Variants in ASCC3 observed in about 807,000 individuals in gnomAD.
ASCC3 encodes the protein activating signal cointegrator 1 complex subunit 3, also known as ASC-1 complex subunit P200.
A neutral mutation model predicts 256.3 loss-of-function variants in ASCC3; 158 were observed. The ratio of observed to expected loss-of-function variants is 0.62; its 90% CI spans 0.54 to 0.70. ASCC3 has a LOEUF of 0.70. Ranked by LOEUF, ASCC3 falls within the 30% of genes least tolerant of loss-of-function variation. ASCC3 has a pLI of 0.00. For synonymous variants in ASCC3, 948 were observed against 883.4 expected (o/e 1.07, Z -1.30); for missense variants, 2,259 against 2,626.0 (o/e 0.86, Z 3.05).
chr6:100,795,029 GGAGCTGATAAT>G (rs533446742), intron 8 of ASCC3, among the ~76,000 whole-genome samples: 253 of 152,170 alleles, frequency 1.7e-3, no homozygotes, highest in African/African-American at 5.6e-3. Context: ...TGGCTCATGG[GGAGCTGATAAT>G]GAGGATATAC....
intron 3 of ASCC3, among the ~76,000 whole-genome samples, chr6:100,861,397 TA>T (rs1451310254): frequency 2.6e-5 from 4 of 152,272 alleles, no homozygotes; most frequent in Non-Finnish European, 5.9e-5. Context: ...TCAAGTGAAA[TA>T]TTTTTTTCTT....
At chr6:100,646,833 T>C in intron 21 of ASCC3, 64 bp from the exon 22 acceptor site, 1 of 1,501,540 alleles carries the variant, frequency 6.7e-7, no homozygotes, top group Non-Finnish European at 9.2e-7. Flanking sequence ...TAATCTGACT[T>C]GTAAATGGGA....
At chr6:100,564,322 C>A (rs189722002) in intron 36 of ASCC3, among the ~76,000 whole-genome samples, 1 of 151,944 alleles carries the variant, frequency 6.6e-6, no homozygotes, top group East Asian at 1.9e-4. Flanking sequence ...TTCTATCTAA[C>A]TGTGTTTGTA....
At position 100,575,903 on chromosome 6, in the gene ASCC3, T is replaced by C. The variant is rs540917429; in HGVS notation, c.5550+13731A>G. ...ACCTTCTAAAAGTCCACTGAACATA[T>C]CAGATCATGATCCTGGTTTGCCACG... On this transcript the variant is annotated intron_variant, in intron 36 of 41. Transcript: ENST00000369162. Among the ~76,000 whole-genome samples the C allele has an allele frequency of 2.1e-4, 32 of 152,150 alleles. 1 individual carries two copies. In the South Asian group the frequency reaches 6.4e-3, roughly 31 times the overall value.
intron 14 of ASCC3, among the ~76,000 whole-genome samples, chr6:100,678,756 A>G (rs765901560): frequency 1.7e-4 from 26 of 152,134 alleles, no homozygotes; most frequent in Non-Finnish European, 3.2e-4. Context: ...TTTTCTGCAA[A>G]GAAACAGAAA....
chr6:100,607,465 A>T (rs555051395), intron 30 of ASCC3, among the ~76,000 whole-genome samples: 2 of 152,010 alleles, frequency 1.3e-5, no homozygotes, highest in Non-Finnish European at 2.9e-5. Context: ...TTTTAAAAAT[A>T]CAGACCAAAA....
chr6:100,748,203 C>T (rs1303932198), intron 10 of ASCC3, among the ~76,000 whole-genome samples: 4 of 151,822 alleles, frequency 2.6e-5, no homozygotes, highest in Non-Finnish European at 5.9e-5. Flanking sequence ...AAATAATCTA[C>T]TTTTTCTTTT....
At chr6:100,762,470 T>C (rs1259580383) in intron 10 of ASCC3, among the ~76,000 whole-genome samples, 1 of 152,192 alleles carries the variant, frequency 6.6e-6, no homozygotes, top group Non-Finnish European at 1.5e-5. Flanking sequence ...TTGAAACCAA[T>C]GGTAGATATA....
intron 13 of ASCC3, among the ~76,000 whole-genome samples, chr6:100,696,678 A>C (rs1352506297): frequency 1.3e-5 from 2 of 152,078 alleles, no homozygotes; most frequent in African/African-American, 4.8e-5. Context: ...AAATGACTGC[A>C]AGCAAACATT....
chr6:100,725,746 T>C (rs1404969188), intron 10 of ASCC3, 43 bp from the exon 11 acceptor site: 3 of 1,597,490 alleles, frequency 1.9e-6, no homozygotes, highest in Non-Finnish European at 2.6e-6. Context: ...GTTACATAGG[T>C]TATTTAACAT....
chr6:100,557,034 T>A lies in ASCC3; in HGVS notation c.5551-16647A>T, dbSNP rs77663267. Among the ~76,000 whole-genome samples the A allele has an allele frequency of 8.5e-5, 13 of 152,240 alleles. No homozygotes were observed. In the East Asian group the frequency reaches 2.5e-3, roughly 29 times the overall value. On this transcript the variant is annotated intron_variant, in intron 36 of 41. Transcript: ENST00000369162. ...GGACTCCTCAGTCTTCTGGGCATGA[T>A]GAACACAAGATTTTAGACATGTTGA...
chr6:100,528,270 T>A (rs1562095398), intron 37 of ASCC3, among the ~76,000 whole-genome samples: 3 of 152,194 alleles, frequency 2.0e-5, no homozygotes, highest in Admixed American at 1.3e-4. Context: ...TTTTAGTTTA[T>A]CAGAAGTTGT....
At chr6:100,828,897 G>T (rs1328057219) in intron 4 of ASCC3, among the ~76,000 whole-genome samples, 2 of 151,942 alleles carry the variant, frequency 1.3e-5, no homozygotes, top group African/African-American at 2.4e-5. Context: ...CTCTTATCTG[G>T]CCCCACCCAC....
chr6:100,567,073 T>G (rs1770295485), intron 36 of ASCC3, among the ~76,000 whole-genome samples: 1 of 152,116 alleles, frequency 6.6e-6, no homozygotes, highest in African/African-American at 2.4e-5. Flanking sequence ...TAGGAAAATT[T>G]TTATTTAAAA....
chr6:100,569,421 G>A (rs368432021), intron 36 of ASCC3, among the ~76,000 whole-genome samples: 68 of 151,660 alleles, frequency 4.5e-4, no homozygotes, highest in Middle Eastern at 3.4e-3. Context: ...TTGCTCTGTC[G>A]CCCAGGCTGG....
chr6:100,627,466 GTT>G, intron 29 of ASCC3, 122 bp downstream of exon 29: 1 of 1,283,560 alleles, frequency 7.8e-7, no homozygotes, highest in Admixed American at 1.9e-5. Context: ...GAGACAAACA[GTT>G]TTAGATATAC....
intron 36 of ASCC3, among the ~76,000 whole-genome samples, chr6:100,586,712 A>G (rs1793172003): frequency 6.6e-6 from 1 of 152,132 alleles, no homozygotes; most frequent in South Asian, 2.1e-4. Context: ...AGCTGTTCCT[A>G]TTCGGCCATC....
In ASCC3 at chr6:100,868,101, C is replaced by T. The variant is rs796395871; in HGVS notation, c.-41-63G>A. On this transcript the variant is annotated intron_variant, in intron 1 of 41. Transcript: ENST00000369162. ...AGGTGGCAGAGGTAATCAAACTCAA[C>T]AAATTAGCTTGTACAAGAGAAAAAA... The T allele has an allele frequency of 2.7e-5, 25 of 910,506 alleles. No individual in the cohort carries two copies. In the African/African-American group the frequency reaches 4.0e-4, roughly 14 times the overall value. The allele number at this position is 910,506 out of a possible 1,614,324, so 56.4% of individuals were successfully genotyped here.
At chr6:100,808,516 C>T (rs1220691474) in intron 4 of ASCC3, among the ~76,000 whole-genome samples, 1 of 151,736 alleles carries the variant, frequency 6.6e-6, no homozygotes, top group African/African-American at 2.4e-5. Context: ...TAGGCTTAAA[C>T]CAAAAATATA....
Sources: gnomAD v4.1 joint callset for allele counts (sites outside exome capture counted in the v4.1 genomes callset) on GRCh38, gnomAD v4.1.1 for gene constraint, MANE v1.5 for transcripts, NCBI Gene and HGNC (gene_info 2026-07-23, HGNC 2026-07-21) for gene names.